The following FZD5 variants were observed in gnomAD, a reference collection of about 807,000 sequenced individuals.
The protein encoded by FZD5 is frizzled class receptor 5, also known as frizzled-5.
Under a neutral mutation model 40.8 loss-of-function variants are expected in FZD5, and 12 were observed. The ratio of observed to expected loss-of-function variants is 0.29; its 90% CI spans 0.19 to 0.48. The LOEUF (loss-of-function observed/expected upper bound fraction) is 0.48. Among genes scored for constraint, FZD5 ranks in the 20% least tolerant of loss-of-function variants. The pLI is 0.99. For synonymous variants in FZD5, 380 were observed against 383.7 expected (o/e 0.99, Z 0.11); for missense variants, 622 against 832.8 (o/e 0.75, Z 3.12).
chr2:207,766,950 G>T lies in FZD5; in HGVS notation c.*32C>A. On this transcript the variant is annotated 3_prime_UTR_variant, in exon 2 of 2. Coordinates refer to ENST00000295417, the MANE Select transcript of FZD5 (RefSeq NM_003468.4). ...CAAACAAAACGCCCCCCTCCCCTCA[G>T]CTCTCCGGCCGAGTCCCTCGGCGGC... 7.0e-7 allele frequency: 1 copy of T among 1,427,754 alleles called. No homozygotes were observed. The highest frequency in any genetic ancestry group is 9.2e-7 in the Non-Finnish European group (1 of 1,088,614). The allele number at this position is 1,427,754 out of a possible 1,614,324, so 88.4% of individuals were successfully genotyped here. A position where few individuals can be genotyped will look rare whatever the true frequency, so the allele number is the denominator to read the frequency against.
At position 207,763,028 on chromosome 2, in the gene FZD5, G is replaced by C. The variant is rs2091962494; in HGVS notation, c.*3954C>G. 6.6e-6 allele frequency: 1 copy of C among 152,568 alleles called. No homozygotes were observed. The highest frequency in any genetic ancestry group is 2.4e-5 in the African/African-American group (1 of 41,428). The allele number at this position is 152,568 out of a possible 1,614,324, so 9.5% of individuals were successfully genotyped here. Reference sequence around the variant, plus strand: ...TGGATTTAACATAACAGTGACTACAGCATGGGATAGGCACTATACATATAT... The same window carrying C: ...TGGATTTAACATAACAGTGACTACACCATGGGATAGGCACTATACATATAT... On this transcript the variant is annotated 3_prime_UTR_variant, in exon 2 of 2. Coordinates refer to ENST00000295417, the MANE Select transcript of FZD5 (RefSeq NM_003468.4).
rs893831867 is a variant in FZD5, at chr2:207,762,835, C to T, written c.*4147G>A. 6.6e-6 allele frequency: 1 copy of T among 152,630 alleles called. No individual in the cohort carries two copies. Among genetic ancestry groups the T allele is most frequent in the Non-Finnish European group, 1.5e-5 (1 of 68,040 alleles). The allele number at this position is 152,630 out of a possible 1,614,324, so 9.5% of individuals were successfully genotyped here. ...TAACCACATACAACTGCTGTTTCTA[C>T]TGACTCCCAGGAACGAAGCAGAAAC... On this transcript the variant is annotated 3_prime_UTR_variant, in exon 2 of 2. Transcript: ENST00000295417.
In FZD5 at chr2:207,768,286, G is replaced by T. The variant is rs776562411; in HGVS notation, c.454C>A (p.Arg152Ser). ...DAEVLCMDYN[R>S]SEATTAPPRP... ...GGGGGCGCCGTGGTGGCCTCGCTGC[G>T]GTTGTAATCCATGCAGAGGACCTCG... Residue 152 changes from arginine (R) to serine (S), a missense_variant, in exon 2 of 2, where the codon CGC becomes AGC. Arg to Ser is a moderately radical substitution (Grantham distance 110, BLOSUM62 -1). Coordinates refer to ENST00000295417, the MANE Select transcript of FZD5 (RefSeq NM_003468.4). 8.4e-6 allele frequency: 13 copies of T among 1,543,418 alleles called. No individual in the cohort carries two copies. The Admixed American group carries it at 2.0e-4, about 23-fold the overall frequency.
rs1005717462 is a variant in FZD5 at position 207,764,016 on chromosome 2, A to G, written c.*2966T>C. 2.0e-5 allele frequency: 3 copies of G among 152,794 alleles called. No homozygotes were observed. The highest frequency in any genetic ancestry group is 2.1e-4 in the South Asian group (1 of 4,830). The allele number at this position is 152,794 out of a possible 1,614,324, so 9.5% of individuals were successfully genotyped here. On this transcript the variant is annotated 3_prime_UTR_variant, in exon 2 of 2. Coordinates refer to ENST00000295417, the MANE Select transcript of FZD5 (RefSeq NM_003468.4). ...AAAATTATTTCCAGTCAATTTTACC[A>G]TTTCAAAATGTGAGAAGGAAAATCA...
intron 1 of FZD5, 49 bp from the exon 2 acceptor site, chr2:207,769,043 AG>A (rs1331980307): frequency 4.5e-6 from 2 of 443,866 alleles, no homozygotes; most frequent in Non-Finnish European, 8.3e-6. Context: ...TCCCTGTTGG[AG>A]AGGCGTCAAC....
chr2:207,767,204 C>A lies in FZD5; in HGVS notation c.1536G>T (p.Val512=), dbSNP rs762268186. ...VLMLKYFMCL[V]VGITSGVWIW... ...TCCAGACGCCCGACGTGATGCCCAC[C>A]ACCAGGCACATGAAGTACTTGAGCA... Residue 512 remains valine (V), a synonymous_variant, in exon 2 of 2, where the codon GTG becomes GTT. Coordinates refer to ENST00000295417, the MANE Select transcript of FZD5 (RefSeq NM_003468.4). 1.2e-6 allele frequency: 2 copies of A among 1,607,132 alleles called. No homozygotes were observed. Among genetic ancestry groups the A allele is most frequent in the Middle Eastern group, 1.7e-4 (1 of 6,058 alleles).
chr2:207,766,885 G>A lies in FZD5; in HGVS notation c.*97C>T. ...CAAGTCGCCGCGGGAGGGGGCAACA[G>A]CACCATGAAGGTAAACGGAAGTGAC... On this transcript the variant is annotated 3_prime_UTR_variant, in exon 2 of 2. Coordinates refer to ENST00000295417, the MANE Select transcript of FZD5 (RefSeq NM_003468.4). 1.0e-6 allele frequency: 1 copy of A among 1,003,928 alleles called. No homozygotes were observed. 62.2% of individuals were successfully genotyped at this position (1,003,928 alleles called of 1,614,324 possible).
Position 207,767,241 on chromosome 2 carries a change from T to A in FZD5, c.1499A>T (p.Tyr500Phe). ...GAAGTACTTGAGCATGAGCACCCAG[T>A]ACTCGGGCTTGGCGCGCGGCTGGCC... ...DTGQPRAKPE[Y>F]WVLMLKYFMC... Residue 500 changes from tyrosine to phenylalanine, a missense_variant, in exon 2 of 2, where the codon TAC becomes TTC. By Grantham distance (22) the Tyr-to-Phe change is conservative. This residue lies in a region of FZD5 where 154 missense variants were observed against 152.1 expected (regional missense o/e 1.01). Transcript: ENST00000295417. 6.2e-7 allele frequency: 1 copy of A among 1,610,492 alleles called. No individual in the cohort carries two copies. The highest frequency in any genetic ancestry group is 1.3e-5 in the African/African-American group (1 of 74,974).
rs895409681 is a variant in FZD5, at chr2:207,763,509, T to C, written c.*3473A>G. 1.3e-5 allele frequency: 2 copies of C among 152,650 alleles called. No individual in the cohort carries two copies. The highest frequency in any genetic ancestry group is 2.9e-5 in the Non-Finnish European group (2 of 68,038). The allele number at this position is 152,650 out of a possible 1,614,324, so 9.5% of individuals were successfully genotyped here. On this transcript the variant is annotated 3_prime_UTR_variant, in exon 2 of 2. Coordinates refer to ENST00000295417, the MANE Select transcript of FZD5 (RefSeq NM_003468.4). The stretch of plus-strand genomic sequence containing the variant: ...GCATGCAGAGGGAGCAGGCAATTCT[T>C]AGCCACTGTCCCTCACACCTGCCTA...
At position 207,768,112 on chromosome 2, in the gene FZD5, C is replaced by T; in HGVS notation, c.628G>A (p.Val210Met). 2.5e-6 allele frequency: 4 copies of T among 1,613,314 alleles called. No homozygotes were observed. The highest frequency in any genetic ancestry group is 3.4e-6 in the Non-Finnish European group (4 of 1,179,846). The change falls in exon 2 of 2, where the codon GTG becomes ATG. Residue 210 changes from valine to methionine, a missense_variant. Val to Met is a conservative substitution (Grantham distance 21). Transcript: ENST00000295417. The part of the protein sequence containing the change: ...LKESHPLYNK[V>M]RTGQVPNCAV... Reference sequence around the variant, plus strand: ...CAGTTGGGCACCTGGCCCGTCCGCACCTTGTTGTAGAGCGGGTGTGACTCC... The same window carrying T: ...CAGTTGGGCACCTGGCCCGTCCGCATCTTGTTGTAGAGCGGGTGTGACTCC...
In FZD5 at chr2:207,765,989, G is replaced by A. The variant is rs867874860; in HGVS notation, c.*993C>T. 6.7e-6 allele frequency: 1 copy of A among 149,222 alleles called. No homozygotes were observed. 9.2% of individuals were successfully genotyped at this position (149,222 alleles called of 1,614,324 possible). A position where few individuals can be genotyped will look rare whatever the true frequency, so the allele number is the denominator to read the frequency against. ...CATTTCAGTCCTTACATTTAAAAAG[G>A]AGCCCCCTTTAGCAACTGTCGCTAA... On this transcript the variant is annotated 3_prime_UTR_variant, in exon 2 of 2. Transcript: ENST00000295417.
Position 207,767,739 on chromosome 2 carries a change from A to G in FZD5, c.1001T>C (p.Val334Ala). The G allele has an allele frequency of 6.2e-7, 1 of 1,614,112 alleles. No homozygotes were observed. The highest frequency in any genetic ancestry group is 8.5e-7 in the Non-Finnish European group (1 of 1,179,988). Reference sequence around the variant, plus strand: ...CAGGAACCAGGTGAGCGACAGGATGACCCACCAGATGGAGCTGGCCATGCC... The same window carrying G: ...CAGGAACCAGGTGAGCGACAGGATGGCCCACCAGATGGAGCTGGCCATGCC... ...FFGMASSIWWVILSLTWFLAA... is the reference protein window; with the variant it reads ...FFGMASSIWWAILSLTWFLAA... Residue 334 changes from valine (V) to alanine (A), a missense_variant, in exon 2 of 2, where the codon GTC becomes GCC. Physicochemically the swap from Val to Ala is moderately conservative, Grantham distance 64. Transcript: ENST00000295417.
Position 207,767,543 on chromosome 2 carries a change from C to T in FZD5, c.1197G>A (p.Ser399=), listed in dbSNP as rs753818678. ...GCGGGCCCAGCACGAAGCCGCGCAG[C>T]GAGTTCAGGTTCTGGTTGCCCACGT... The part of the protein sequence containing the change: ...ICYVGNQNLN[S]LRGFVLGPLV... The change falls in exon 2 of 2, where the codon TCG becomes TCA. Residue 399 remains serine (S), a synonymous_variant. Transcript: ENST00000295417. 4.3e-6 allele frequency: 7 copies of T among 1,610,456 alleles called. No homozygotes were observed. Among genetic ancestry groups the T allele is most frequent in the Non-Finnish European group, 4.2e-6 (5 of 1,179,882 alleles).
intron 1 of FZD5, 56 bp downstream of exon 1, chr2:207,769,208 TC>T (rs1226541634): frequency 6.3e-6 from 1 of 158,270 alleles, no homozygotes; most frequent in Admixed American, 6.4e-5. Context: ...ACCCTCAGCT[TC>T]CCGGAAAAGG....
Position 207,768,276 on chromosome 2 carries a change from G to T in FZD5, c.464C>A (p.Ala155Asp). Reference protein sequence around the residue: ...VLCMDYNRSEATTAPPRPFPA... With the variant: ...VLCMDYNRSEDTTAPPRPFPA... ...GAAAGGCCTGGGGGGCGCCGTGGTGGCCTCGCTGCGGTTGTAATCCATGCA... is the reference window on the plus strand; with the variant it reads ...GAAAGGCCTGGGGGGCGCCGTGGTGTCCTCGCTGCGGTTGTAATCCATGCA... The change falls in exon 2 of 2, where the codon GCC becomes GAC. Residue 155 changes from alanine to aspartate, a missense_variant. Physicochemically the swap from Ala to Asp is moderately radical, Grantham distance 126. This residue lies in a region of FZD5 where 116 missense variants were observed against 117.7 expected (regional missense o/e 0.99). Transcript: ENST00000295417. 1 of 1,543,060 alleles carries T rather than the reference G, an allele frequency of 6.5e-7. No individual in the cohort carries two copies. The highest frequency in any genetic ancestry group is 8.7e-7 in the Non-Finnish European group (1 of 1,149,472).
rs1244916319 is a variant in FZD5, at chr2:207,765,040, G to A, written c.*1942C>T. 4 of 152,142 alleles carry A rather than the reference G, an allele frequency of 2.6e-5. No individual in the cohort carries two copies. The highest frequency in any genetic ancestry group is 2.0e-4 in the Admixed American group (3 of 15,276). 9.4% of individuals were successfully genotyped at this position (152,142 alleles called of 1,614,324 possible). A position where few individuals can be genotyped will look rare whatever the true frequency, so the allele number is the denominator to read the frequency against. On this transcript the variant is annotated 3_prime_UTR_variant, in exon 2 of 2. Coordinates refer to ENST00000295417, the MANE Select transcript of FZD5 (RefSeq NM_003468.4). ...AATTTTAATTCAGAGGATAAATTGG[G>A]TAAGAGCAGTGCATTTTAATAAATG...
Position 207,767,405 on chromosome 2 carries a change from C to G in FZD5, c.1335G>C (p.Lys445Asn). The G allele has an allele frequency of 1.2e-6, 2 of 1,612,864 alleles. No individual in the cohort carries two copies. Among genetic ancestry groups the G allele is most frequent in the Non-Finnish European group, 8.5e-7 (1 of 1,179,966 alleles). Residue 445 changes from lysine to asparagine, a missense_variant, in exon 2 of 2, where the codon AAG becomes AAC. Physicochemically the swap from Lys to Asn is moderately conservative, Grantham distance 94. Coordinates refer to ENST00000295417, the MANE Select transcript of FZD5 (RefSeq NM_003468.4). ...TGAAGATGCCGATGCGGATCATGAG[C>G]TTCTCCAGCTTGTCCGTCTTGGTGC... is the stretch of plus-strand genomic sequence containing the variant. ...QGGTKTDKLE[K>N]LMIRIGIFTL...
In FZD5 at chr2:207,768,130, G is replaced by A. The variant is rs750067762; in HGVS notation, c.610C>T (p.His204Tyr). The change falls in exon 2 of 2, where the codon CAC becomes TAC. Residue 204 changes from histidine (H) to tyrosine (Y), a missense_variant. His to Tyr is a moderately conservative substitution (Grantham distance 83). This residue lies in a region of FZD5 where 116 missense variants were observed against 117.7 expected (regional missense o/e 0.99). Coordinates refer to ENST00000295417, the MANE Select transcript of FZD5 (RefSeq NM_003468.4). ...GTCCGCACCTTGTTGTAGAGCGGGTGTGACTCCTTCAGAATGGGCACGAAG... is the reference window on the plus strand; with the variant it reads ...GTCCGCACCTTGTTGTAGAGCGGGTATGACTCCTTCAGAATGGGCACGAAG... ...EPFVPILKES[H>Y]PLYNKVRTGQ... is the part of the protein sequence containing the mutation. 5.6e-6 allele frequency: 9 copies of A among 1,612,536 alleles called. No individual in the cohort carries two copies. The highest frequency in any genetic ancestry group is 7.6e-6 in the Non-Finnish European group (9 of 1,179,872).
In FZD5 at chr2:207,767,272, C is replaced by G. The variant is rs1159633910; in HGVS notation, c.1468G>C (p.Asp490His). Reference protein sequence around the residue: ...AALTCACPGHDTGQPRAKPEY... With the variant: ...AALTCACPGHHTGQPRAKPEY... The stretch of plus-strand genomic sequence containing the variant: ...GGCTTGGCGCGCGGCTGGCCGGTGT[C>G]GTGGCCCGGGCAGGCGCAGGTGAGC... Residue 490 changes from aspartate (D) to histidine (H), a missense_variant, in exon 2 of 2, where the codon GAC becomes CAC. By Grantham distance (81) the Asp-to-His change is moderately conservative. Around this residue, in one of 4 missense-constraint regions of FZD5, gnomAD observed 154 missense variants for 152.1 expected, o/e 1.01. Transcript: ENST00000295417. 6.2e-7 allele frequency: 1 copy of G among 1,611,046 alleles called. No individual in the cohort carries two copies. The highest frequency in any genetic ancestry group is 1.7e-5 in the Admixed American group (1 of 59,852).
Sources: allele counts gnomAD v4.1 joint callset, GRCh38; gene constraint gnomAD v4.1.1; regional missense constraint gnomAD v4.1.1; transcripts MANE v1.5; gene names NCBI Gene and HGNC (gene_info 2026-07-23, HGNC 2026-07-21).